FAT3: variants seen among roughly 807,000 people sequenced by gnomAD.
FAT3 encodes the protein FAT atypical cadherin 3.
FAT3 carries 95 observed loss-of-function variants against 310.2 expected under a neutral mutation model. The ratio of observed to expected loss-of-function variants is 0.31; its 90% confidence interval spans 0.26 to 0.36. FAT3 has a LOEUF of 0.36. Among genes scored for constraint, FAT3 ranks in the 10% least tolerant of loss-of-function variants. FAT3 has a pLI of 1.00. For synonymous variants in FAT3, 2,314 were observed against 2,192.9 expected, an observed-to-expected ratio of 1.06 and a Z score of -1.54; for missense variants, 5,408 against 5,715.6, an observed-to-expected ratio of 0.95 and a Z score of 1.74.
intron 4 of FAT3, among the ~76,000 whole-genome samples, chr11:92,706,550 T>C (rs1367596569): frequency 6.6e-6 from 1 of 152,118 alleles, no homozygotes; most frequent in Admixed American, 6.5e-5. Context: ...AAAAATCACA[T>C]TTACATTCCA....
intron 2 of FAT3, among the ~76,000 whole-genome samples, chr11:92,373,066 G>C (rs1285146747): frequency 6.6e-6 from 1 of 152,156 alleles, no homozygotes; most frequent in African/African-American, 2.4e-5. Context: ...GAAATTGGGA[G>C]GGAAGTAGAG....
At chr11:92,823,792 A>G (rs1054308521) in intron 13 of FAT3, among the ~76,000 whole-genome samples, 3 of 152,192 alleles carry the variant, frequency 2.0e-5, no homozygotes, top group Non-Finnish European at 2.9e-5. Context: ...TCATCACCCA[A>G]TGAAGAACTT....
chr11:92,415,478 C>T (rs1215110195), intron 2 of FAT3, among the ~76,000 whole-genome samples: 1 of 152,164 alleles, frequency 6.6e-6, no homozygotes, highest in Non-Finnish European at 1.5e-5. Flanking sequence ...ATCACTGGAG[C>T]AGCAGGATTG....
rs751107358 is a variant in FAT3, at chr11:92,895,547, G to A, written c.*4434G>A. The stretch of plus-strand genomic sequence containing the variant: ...TGAGAATCGTAGAGTCATTTGGAGC[G>A]TGTTTGGACCAATTAGTATGTACTG... On this transcript the variant is annotated 3_prime_UTR_variant, in exon 28 of 28. Coordinates refer to ENST00000525166, the MANE Select transcript of FAT3 (RefSeq NM_001367949.2). The A allele has an allele frequency of 9.9e-5, 15 of 152,176 alleles. No individual in the cohort carries two copies. The highest frequency in any genetic ancestry group is 3.8e-4 in the East Asian group (2 of 5,200). The allele number at this position is 152,176 out of a possible 1,614,324, so 9.4% of individuals were successfully genotyped here.
At chr11:92,730,031 CAT>C (rs1223410053) in intron 4 of FAT3, among the ~76,000 whole-genome samples, 8 of 151,938 alleles carry the variant, frequency 5.3e-5, no homozygotes, top group Admixed American at 2.6e-4. Flanking sequence ...ACATACATAA[CAT>C]ATATAAAAAT....
chr11:92,320,534 T>C (rs1368362085), intron 1 of FAT3, among the ~76,000 whole-genome samples: 3 of 152,150 alleles, frequency 2.0e-5, no homozygotes, highest in Non-Finnish European at 2.9e-5. Context: ...ATCAAATTCA[T>C]TTTTTTGAAC....
chr11:92,558,537 A>G (rs547011375), intron 3 of FAT3, among the ~76,000 whole-genome samples: 80 of 152,090 alleles, frequency 5.3e-4, no homozygotes, highest in African/African-American at 1.7e-3. Context: ...AGCAAGCCCT[A>G]TTTGTCTCTG....
intron 2 of FAT3, among the ~76,000 whole-genome samples, chr11:92,361,097 T>C (rs1358946770): frequency 6.6e-6 from 1 of 152,202 alleles, no homozygotes; most frequent in Non-Finnish European, 1.5e-5. Context: ...GAAACAGCAC[T>C]GTGGCAGACT....
chr11:92,342,611 A>G (rs1216925212), intron 1 of FAT3, among the ~76,000 whole-genome samples: 17 of 152,090 alleles, frequency 1.1e-4, no homozygotes, highest in Admixed American at 1.1e-3. Context: ...TTGCCCCCCG[A>G]CTATTGGAAT....
chr11:92,578,387 C>T (rs1488146621), intron 3 of FAT3, among the ~76,000 whole-genome samples: 1 of 150,400 alleles, frequency 6.6e-6, no homozygotes, highest in Non-Finnish European at 1.5e-5. Flanking sequence ...CACTAGTGTA[C>T]TCCCTACTTG....
chr11:92,322,526 C>T (rs1047904579), intron 1 of FAT3, among the ~76,000 whole-genome samples: 3 of 152,144 alleles, frequency 2.0e-5, no homozygotes, highest in Non-Finnish European at 4.4e-5. Context: ...CTGTAGCATG[C>T]GATGCTGTTT....
chr11:92,573,581 T>C (rs953891204), intron 3 of FAT3, among the ~76,000 whole-genome samples: 1 of 152,090 alleles, frequency 6.6e-6, no homozygotes. Flanking sequence ...TGATTTAAGA[T>C]GGGTTGTAAA....
At chr11:92,640,417 A>T (rs577073252) in intron 3 of FAT3, among the ~76,000 whole-genome samples, 15 of 152,308 alleles carry the variant, frequency 9.8e-5, no homozygotes, top group African/African-American at 3.6e-4. Context: ...AAATGAAATA[A>T]TGCACATAAA....
At chr11:92,271,134 A>G (rs1946113105) in intron 1 of FAT3, among the ~76,000 whole-genome samples, 2 of 152,112 alleles carry the variant, frequency 1.3e-5, no homozygotes, top group African/African-American at 4.8e-5. Context: ...GAGCCAGAGT[A>G]TTCATCAGGC....
At chr11:92,299,578 G>T (rs1946939039) in intron 1 of FAT3, among the ~76,000 whole-genome samples, 1 of 152,102 alleles carries the variant, frequency 6.6e-6, no homozygotes, top group African/African-American at 2.4e-5. Context: ...CCGATGTCGA[G>T]CAAGGTAACA....
chr11:92,677,268 A>G (rs1943316182), intron 3 of FAT3, among the ~76,000 whole-genome samples: 1 of 152,234 alleles, frequency 6.6e-6, no homozygotes, highest in South Asian at 2.1e-4. Flanking sequence ...AAGAAAAGAG[A>G]TACAGAACTG....
intron 3 of FAT3, among the ~76,000 whole-genome samples, chr11:92,600,692 G>A (rs540031368): frequency 1.3e-5 from 2 of 152,212 alleles, no homozygotes; most frequent in South Asian, 4.1e-4. Context: ...ATTGTAGTAA[G>A]GGTAGTAAGA....
At chr11:92,574,094 A>G (rs1206563661) in intron 3 of FAT3, among the ~76,000 whole-genome samples, 1 of 152,144 alleles carries the variant, frequency 6.6e-6, no homozygotes, top group African/African-American at 2.4e-5. Flanking sequence ...GGGAAGAGAA[A>G]TTTGATTTAT....
At chr11:92,768,496 C>T (rs1007017585) in intron 6 of FAT3, among the ~76,000 whole-genome samples, 1 of 152,198 alleles carries the variant, frequency 6.6e-6, no homozygotes, top group South Asian at 2.1e-4. Context: ...CATTTTTTCT[C>T]AATCTGCTGA....
Sources: allele counts gnomAD v4.1 joint callset (sites outside exome capture counted in the v4.1 genomes callset), GRCh38; gene constraint gnomAD v4.1.1; transcripts MANE v1.5; gene names NCBI Gene and HGNC (gene_info 2026-07-23, HGNC 2026-07-21).